Variants in HAO1 observed in about 807,000 individuals in gnomAD.
HAO1 encodes 2-Hydroxyacid oxidase 1.
HAO1 carries 34 observed loss-of-function variants against 39.7 expected under a neutral mutation model. That is an observed-to-expected ratio of 0.86 (90% CI 0.65 to 1.14). The LOEUF (loss-of-function observed/expected upper bound fraction) is 1.14, where lower values mean the gene tolerates loss of function less well. HAO1 is among the 50% of genes most tolerant of loss of function. The pLI is 0.00. For missense variants in HAO1, 479 were observed against 464.5 expected (o/e 1.03, Z -0.29); for synonymous variants, 172 against 173.2 (o/e 0.99, Z 0.05).
At chr20:7,914,058 G>A (rs1568515747) in intron 3 of HAO1, 106 bp downstream of exon 3, 3 of 1,205,778 alleles carry the variant, frequency 2.5e-6, no homozygotes, top group Admixed American at 2.0e-5. Context: ...ATTAGCTGAA[G>A]ATTAACTAGA....
chr20:7,892,968 G>A (rs1227035013), intron 5 of HAO1, among the ~76,000 whole-genome samples: 1 of 152,158 alleles, frequency 6.6e-6, no homozygotes, highest in African/African-American at 2.4e-5. Context: ...TCCTTCTGCA[G>A]TTCAGGCCCT....
intron 2 of HAO1, among the ~76,000 whole-genome samples, chr20:7,916,876 C>G (rs2050309487): frequency 6.6e-6 from 1 of 152,114 alleles, no homozygotes; most frequent in Non-Finnish European, 1.5e-5. Context: ...GTCTAAAACC[C>G]ACATTTTATT....
intron 3 of HAO1, 140 bp from the exon 4 acceptor site, chr20:7,906,469 A>G: frequency 1.6e-6 from 1 of 613,802 alleles, no homozygotes; most frequent in Non-Finnish European, 2.9e-6. Flanking sequence ...TTGCACACAT[A>G]TTTTCCATAT....
At chr20:7,934,858 G>A (rs1371205943) in intron 1 of HAO1, among the ~76,000 whole-genome samples, 1 of 152,160 alleles carries the variant, frequency 6.6e-6, no homozygotes, top group Non-Finnish European at 1.5e-5. Flanking sequence ...ATTTATTAAA[G>A]TATAACTAAT....
chr20:7,887,762 C>A (rs1600104529), intron 5 of HAO1, among the ~76,000 whole-genome samples: 1 of 152,080 alleles, frequency 6.6e-6, no homozygotes, highest in South Asian at 2.1e-4. Flanking sequence ...CCAATGCCAA[C>A]CCTGGCCTAA....
At chr20:7,927,101 T>C (rs2050362741) in intron 2 of HAO1, among the ~76,000 whole-genome samples, 1 of 152,102 alleles carries the variant, frequency 6.6e-6, no homozygotes, top group South Asian at 2.1e-4. Flanking sequence ...CCATGAAAGA[T>C]GAAGGAAAAT....
At chr20:7,908,112 G>T (rs1429669909) in intron 3 of HAO1, among the ~76,000 whole-genome samples, 1 of 152,108 alleles carries the variant, frequency 6.6e-6, no homozygotes, top group African/African-American at 2.4e-5. Flanking sequence ...TATATCGGCT[G>T]GGCGCAATGG....
At chr20:7,900,225 T>C (rs560444943) in intron 4 of HAO1, among the ~76,000 whole-genome samples, 1 of 152,272 alleles carries the variant, frequency 6.6e-6, no homozygotes, top group South Asian at 2.1e-4. Flanking sequence ...TTGCAGCTAC[T>C]GAGTTTTTTA....
chr20:7,897,797 T>C (rs998020310), intron 4 of HAO1, among the ~76,000 whole-genome samples: 2 of 152,196 alleles, frequency 1.3e-5, no homozygotes, highest in Non-Finnish European at 2.9e-5. Flanking sequence ...ATTTGTTATG[T>C]TTTGGTGTTT....
At chr20:7,911,042 G>C (rs1270038330) in intron 3 of HAO1, among the ~76,000 whole-genome samples, 1 of 152,216 alleles carries the variant, frequency 6.6e-6, no homozygotes, top group Non-Finnish European at 1.5e-5. Flanking sequence ...GTTACAGACA[G>C]AGGGAACAGC....
chr20:7,918,621 G>T (rs551085086), intron 2 of HAO1, among the ~76,000 whole-genome samples: 1 of 152,240 alleles, frequency 6.6e-6, no homozygotes, highest in Admixed American at 6.5e-5. Context: ...GCAGAGCGGG[G>T]GGCATCCACC....
intron 5 of HAO1, among the ~76,000 whole-genome samples, chr20:7,889,916 T>G (rs998305829): frequency 6.6e-6 from 1 of 152,148 alleles, no homozygotes; most frequent in Admixed American, 6.6e-5. Flanking sequence ...GCTCTTCCCA[T>G]GACATCATGC....
intron 1 of HAO1, among the ~76,000 whole-genome samples, chr20:7,935,370 C>G (rs1451054912): frequency 6.6e-6 from 1 of 152,144 alleles, no homozygotes; most frequent in Non-Finnish European, 1.5e-5. Flanking sequence ...CTTCCCCAAT[C>G]TTGAAAATCA....
chr20:7,898,534 G>A (rs2050207340), intron 4 of HAO1, among the ~76,000 whole-genome samples: 1 of 152,100 alleles, frequency 6.6e-6, no homozygotes, highest in South Asian at 2.1e-4. Flanking sequence ...CAGAAGCCCA[G>A]TACACTTTCA....
chr20:7,916,422 A>G (rs890428516), intron 2 of HAO1, among the ~76,000 whole-genome samples: 2 of 152,220 alleles, frequency 1.3e-5, no homozygotes, highest in African/African-American at 4.8e-5. Context: ...ATAGGAATCC[A>G]GTGAGTTGCT....
intron 2 of HAO1, among the ~76,000 whole-genome samples, chr20:7,922,484 T>G (rs915666639): frequency 6.6e-6 from 1 of 152,158 alleles, no homozygotes; most frequent in Non-Finnish European, 1.5e-5. Flanking sequence ...GCTCAATACC[T>G]TTATGGAGAA....
At chr20:7,895,797 C>G (rs1340494851) in intron 4 of HAO1, among the ~76,000 whole-genome samples, 2 of 152,164 alleles carry the variant, frequency 1.3e-5, no homozygotes, top group Non-Finnish European at 2.9e-5. Context: ...CCTGTAATCA[C>G]AGCACTTTGG....
At chr20:7,921,674 A>G (rs2050333683) in intron 2 of HAO1, among the ~76,000 whole-genome samples, 2 of 152,154 alleles carry the variant, frequency 1.3e-5, no homozygotes, top group African/African-American at 4.8e-5. Flanking sequence ...TCACAGCACT[A>G]TTCACAATAG....
intron 7 of HAO1, 58 bp downstream of exon 7, chr20:7,885,463 G>A (rs2050146242): frequency 9.1e-7 from 1 of 1,094,124 alleles, no homozygotes; most frequent in South Asian, 1.3e-5. Context: ...TCTCCACCAA[G>A]GACCTTGACT....
Sources: gnomAD v4.1 joint callset for allele counts (sites outside exome capture counted in the v4.1 genomes callset) on GRCh38, gnomAD v4.1.1 for gene constraint, MANE v1.5 for transcripts, NCBI Gene and HGNC (gene_info 2026-07-23, HGNC 2026-07-21) for gene names.